CACNA1E: variants seen among roughly 807,000 people sequenced by gnomAD.
The protein encoded by CACNA1E is calcium voltage-gated channel subunit alpha1 E, also known as voltage-dependent R-type calcium channel subunit alpha-1E.
CACNA1E carries 40 observed loss-of-function variants against 259.2 expected under a neutral mutation model. That is an observed-to-expected ratio of 0.15 (90% CI 0.12 to 0.20). CACNA1E has a LOEUF of 0.20. CACNA1E is among the 10% of genes least tolerant of loss of function. The probability of loss-of-function intolerance (pLI) is 1.00; values close to 1 mark genes in which losing one functional copy is unlikely to be tolerated. For synonymous variants in CACNA1E, 1,104 were observed against 1,138.5 expected (o/e 0.97, Z 0.61); for missense variants, 1,874 against 3,040.1 (o/e 0.62, Z 9.02).
intron 6 of CACNA1E, among the ~76,000 whole-genome samples, chr1:181,626,638 GT>G (rs1269759810): frequency 1.3e-5 from 2 of 152,188 alleles, no homozygotes; most frequent in Non-Finnish European, 2.9e-5. Flanking sequence ...ACCTGGAATT[GT>G]TAGTCATGTC....
chr1:181,573,387 C>T (rs1650615785), intron 3 of CACNA1E, among the ~76,000 whole-genome samples: 1 of 152,174 alleles, frequency 6.6e-6, no homozygotes, highest in African/African-American at 2.4e-5. Context: ...CAGTAGCCTC[C>T]TGATTAAGCC....
chr1:181,343,394 T>C (rs1652327064), intron 1 of CACNA1E, among the ~76,000 whole-genome samples: 1 of 152,092 alleles, frequency 6.6e-6, no homozygotes, highest in African/African-American at 2.4e-5. Context: ...GAGTTCTTGC[T>C]CTACTAGTTC....
intron 2 of CACNA1E, among the ~76,000 whole-genome samples, chr1:181,466,408 G>A (rs936653460): frequency 6.6e-6 from 1 of 151,982 alleles, no homozygotes; most frequent in African/African-American, 2.4e-5. Context: ...TAAGCCTTGT[G>A]TGGGTGGCGT....
intron 6 of CACNA1E, among the ~76,000 whole-genome samples, chr1:181,610,185 T>A (rs146873249): frequency 6.6e-6 from 1 of 152,348 alleles, no homozygotes; most frequent in East Asian, 1.9e-4. Context: ...CCTCCAGTGT[T>A]ACAGAGAGAG....
At chr1:181,572,787 C>T (rs916344240) in intron 3 of CACNA1E, among the ~76,000 whole-genome samples, 4 of 152,118 alleles carry the variant, frequency 2.6e-5, no homozygotes, top group African/African-American at 9.7e-5. Context: ...CAGCAATCAT[C>T]ACCTGCCATT....
intron 2 of CACNA1E, among the ~76,000 whole-genome samples, chr1:181,435,119 C>T (rs551831114): frequency 5.3e-5 from 8 of 152,256 alleles, no homozygotes; most frequent in African/African-American, 1.7e-4. Context: ...CATCATAAGC[C>T]CAGGACTGTC....
chr1:181,636,754 T>C (rs944937018), intron 6 of CACNA1E, among the ~76,000 whole-genome samples: 1 of 152,222 alleles, frequency 6.6e-6, no homozygotes, highest in Non-Finnish European at 1.5e-5. Flanking sequence ...TTACAGTCTC[T>C]GGTTGACACA....
intron 43 of CACNA1E, among the ~76,000 whole-genome samples, chr1:181,788,528 G>T (rs561968973): frequency 2.6e-5 from 4 of 152,208 alleles, no homozygotes; most frequent in Non-Finnish European, 5.9e-5. Context: ...TAGGGGAGTT[G>T]GAGAGAAGTG....
intron 22 of CACNA1E, 37 bp downstream of exon 22, chr1:181,736,471 G>T: frequency 6.3e-7 from 1 of 1,585,576 alleles, no homozygotes; most frequent in African/African-American, 1.3e-5. Flanking sequence ...TTTAGTGCTA[G>T]GGTAAACGGC....
intron 18 of CACNA1E, among the ~76,000 whole-genome samples, chr1:181,727,786 G>T (rs1655049984): frequency 6.6e-6 from 1 of 152,208 alleles, no homozygotes; most frequent in Non-Finnish European, 1.5e-5. Flanking sequence ...GGGGGTAGAA[G>T]TCTATCCTGG....
At chr1:181,347,847 T>TTTTTATC (rs1652725733) in intron 1 of CACNA1E, among the ~76,000 whole-genome samples, 1 of 152,264 alleles carries the variant, frequency 6.6e-6, no homozygotes. Context: ...AGAAGTGCTC[T>TTTTTATC]AAGACAGTAA....
At chr1:181,700,884 C>T (rs1309293758) in intron 7 of CACNA1E, among the ~76,000 whole-genome samples, 1 of 152,206 alleles carries the variant, frequency 6.6e-6, no homozygotes, top group Non-Finnish European at 1.5e-5. Context: ...CACTTCGAGT[C>T]TCTCCTCAGG....
chr1:181,327,070 C>T (rs914687785), intron 1 of CACNA1E, among the ~76,000 whole-genome samples: 2 of 152,162 alleles, frequency 1.3e-5, no homozygotes, highest in African/African-American at 4.8e-5. Flanking sequence ...GTGTTGTAAC[C>T]GTCAGCCTCT....
rs781292055 is a variant in CACNA1E at position 181,793,825 on chromosome 1, G to A, written c.6027+32G>A. The A allele has an allele frequency of 1.9e-6, 3 of 1,604,186 alleles. No homozygotes were observed. The South Asian group carries it at 3.4e-5, about 18-fold the overall frequency. Reference sequence around the variant, plus strand: ...AGCAACCACCTACATTAATGCAGTGGCATCCGGGCTGTATTAGCTGGGTTA... The same window carrying A: ...AGCAACCACCTACATTAATGCAGTGACATCCGGGCTGTATTAGCTGGGTTA... On this transcript the variant is annotated intron_variant, in intron 45 of 47. Transcript: ENST00000367573.
chr1:181,685,453 A>C (rs888553937), intron 7 of CACNA1E, among the ~76,000 whole-genome samples: 1 of 152,028 alleles, frequency 6.6e-6, no homozygotes, highest in African/African-American at 2.4e-5. Context: ...TTCATTGCAC[A>C]ATCTTCCTTA....
intron 23 of CACNA1E, 81 bp downstream of exon 23, chr1:181,737,735 G>A (rs1656184653): frequency 2.6e-6 from 4 of 1,531,514 alleles, no homozygotes; most frequent in Non-Finnish European, 3.5e-6. Context: ...GAACCGAGAT[G>A]GTAGCAAGGT....
chr1:181,566,603 T>C (rs1258101172), intron 3 of CACNA1E, among the ~76,000 whole-genome samples: 1 of 152,178 alleles, frequency 6.6e-6, no homozygotes, highest in Non-Finnish European at 1.5e-5. Flanking sequence ...GGGGAACCTC[T>C]TCTTGAGGTT....
At chr1:181,544,033 A>G (rs113960473) in intron 3 of CACNA1E, among the ~76,000 whole-genome samples, 2 of 152,372 alleles carry the variant, frequency 1.3e-5, no homozygotes, top group African/African-American at 2.4e-5. Flanking sequence ...CCATAGCAGC[A>G]TCATTCACAA....
intron 6 of CACNA1E, among the ~76,000 whole-genome samples, chr1:181,610,308 A>C (rs1321824654): frequency 6.6e-6 from 1 of 152,206 alleles, no homozygotes; most frequent in East Asian, 1.9e-4. Context: ...ATAATAAACC[A>C]ATAATCTAAA....
Sources: allele counts gnomAD v4.1 joint callset (sites outside exome capture counted in the v4.1 genomes callset), GRCh38; gene constraint gnomAD v4.1.1; transcripts MANE v1.5; gene names NCBI Gene and HGNC (gene_info 2026-07-23, HGNC 2026-07-21).